POU3F3: variants seen among roughly 807,000 people sequenced by gnomAD.
The protein encoded by POU3F3 is POU class 3 homeobox 3.
A neutral mutation model predicts 8.6 loss-of-function variants in POU3F3; 1 was observed. The observed-to-expected ratio is 0.12, with a 90% confidence interval of 0.04 to 0.55. The LOEUF is 0.55. Ranked by LOEUF, POU3F3 falls within the 20% of genes least tolerant of loss-of-function variation. POU3F3 has a pLI of 0.91. For missense variants in POU3F3, 577 were observed against 690.7 expected (o/e 0.84, Z 1.84); for synonymous variants, 418 against 327.4 (o/e 1.28, Z -2.99).
chr2:104,907,823 T>A, the POU3F3 span, among the ~76,000 whole-genome samples: 1 of 152,194 alleles, frequency 6.6e-6, no homozygotes, highest in Non-Finnish European at 1.5e-5. Flanking sequence ...ACATTGGTGA[T>A]AACGGGGCCC....
chr2:104,860,590 T>C (rs961230611), downstream of POU3F3, among the ~76,000 whole-genome samples: 18 of 152,034 alleles, frequency 1.2e-4, no homozygotes, highest in Non-Finnish European at 1.9e-4. Flanking sequence ...CCATCAGCCT[T>C]GCTAATCCCA....
At chr2:104,900,910 T>C in the POU3F3 span, among the ~76,000 whole-genome samples, 1 of 152,246 alleles carries the variant, frequency 6.6e-6, no homozygotes, top group Non-Finnish European at 1.5e-5. Context: ...TACATGATTA[T>C]TAAAATGCTG....
the POU3F3 span, among the ~76,000 whole-genome samples, chr2:104,873,735 C>A: frequency 6.6e-6 from 1 of 152,192 alleles, no homozygotes; most frequent in African/African-American, 2.4e-5. Flanking sequence ...GGTCTTGACC[C>A]CCTGCTTCCC....
chr2:104,872,138 A>G, the POU3F3 span: 8 of 426,568 alleles, frequency 1.9e-5, no homozygotes, highest in African/African-American at 1.4e-4. The surrounding 1 kb of genome is among the most constrained non-coding windows in gnomAD (Gnocchi z 4.6). Context: ...CCCCCTTTCA[A>G]AACCCCCTGG....
chr2:104,912,483 G>T, the POU3F3 span, among the ~76,000 whole-genome samples: 2 of 152,156 alleles, frequency 1.3e-5, no homozygotes, highest in South Asian at 4.1e-4. Flanking sequence ...ACTAACAGAT[G>T]GGTAAGGATA....
chr2:104,926,349 A>G, the POU3F3 span, among the ~76,000 whole-genome samples: 107 of 152,352 alleles, frequency 7.0e-4, 3 homozygotes, highest in African/African-American at 2.5e-3. Context: ...TAAACATATG[A>G]AAAAAAGCTC....
At chr2:104,866,698 G>A in the POU3F3 span, 1 of 152,324 alleles carries the variant, frequency 6.6e-6, no homozygotes, top group Non-Finnish European at 1.5e-5. Flanking sequence ...GAGGATTGAA[G>A]ACCAGTTAAA....
the POU3F3 span, among the ~76,000 whole-genome samples, chr2:104,909,014 A>T: frequency 8.5e-5 from 13 of 152,236 alleles, no homozygotes; most frequent in Admixed American, 5.2e-4. Context: ...GGGTGATGAA[A>T]TATCTCAAAA....
chr2:104,877,911 C>T, the POU3F3 span, among the ~76,000 whole-genome samples: 2 of 152,192 alleles, frequency 1.3e-5, no homozygotes, highest in African/African-American at 4.8e-5. Context: ...CCTCCTCGGC[C>T]TCCCAAAGTG....
chr2:104,908,099 T>C, the POU3F3 span, among the ~76,000 whole-genome samples: 2 of 152,222 alleles, frequency 1.3e-5, no homozygotes, highest in African/African-American at 4.8e-5. Context: ...ACATGGCGAA[T>C]TGCATGAATA....
the POU3F3 span, among the ~76,000 whole-genome samples, chr2:104,906,410 C>A: frequency 1.3e-5 from 2 of 152,154 alleles, no homozygotes; most frequent in African/African-American, 4.8e-5. Context: ...CAATGTCTCC[C>A]AGTTTTTATT....
chr2:104,868,701 C>G, the POU3F3 span, among the ~76,000 whole-genome samples: 1 of 152,072 alleles, frequency 6.6e-6, no homozygotes, highest in South Asian at 2.1e-4. Context: ...TTCCAGCTGG[C>G]GGGTCTGGTT....
chr2:104,925,044 C>A, the POU3F3 span, among the ~76,000 whole-genome samples: 1 of 152,204 alleles, frequency 6.6e-6, no homozygotes, highest in Non-Finnish European at 1.5e-5. Flanking sequence ...AATTTAGGTT[C>A]TATCATGAAG....
At chr2:104,885,453 G>A in the POU3F3 span, among the ~76,000 whole-genome samples, 5 of 152,328 alleles carry the variant, frequency 3.3e-5, no homozygotes, top group African/African-American at 1.2e-4. Flanking sequence ...CTCATAAAAT[G>A]ATGCAGTAAA....
chr2:104,925,555 G>A, the POU3F3 span, among the ~76,000 whole-genome samples: 1 of 152,268 alleles, frequency 6.6e-6, no homozygotes, highest in African/African-American at 2.4e-5. Flanking sequence ...GCAGAACTGG[G>A]TGCTACAACT....
chr2:104,897,637 C>G, the POU3F3 span, among the ~76,000 whole-genome samples: 59 of 152,334 alleles, frequency 3.9e-4, no homozygotes, highest in African/African-American at 1.3e-3. Flanking sequence ...TACCCCTGCT[C>G]TCAGGCAAAG....
chr2:104,873,512 G>T, the POU3F3 span, among the ~76,000 whole-genome samples: 1 of 152,148 alleles, frequency 6.6e-6, no homozygotes, highest in African/African-American at 2.4e-5. Flanking sequence ...GTGCCCTGTG[G>T]CCAGCCCCGC....
the POU3F3 span, among the ~76,000 whole-genome samples, chr2:104,902,668 C>T: frequency 1.3e-5 from 2 of 152,072 alleles, no homozygotes; most frequent in Non-Finnish European, 2.9e-5. Context: ...TCATTCATTC[C>T]CTTATAGCAA....
downstream of POU3F3, among the ~76,000 whole-genome samples, chr2:104,860,972 G>C (rs1676649457): frequency 2.0e-5 from 3 of 151,326 alleles, no homozygotes; most frequent in South Asian, 6.2e-4. Context: ...ACTATTGATA[G>C]TTTTATCGAT....
Sources: gnomAD v4.1 joint callset for allele counts (sites outside exome capture counted in the v4.1 genomes callset) on GRCh38, gnomAD v4.1.1 for gene constraint, Gnocchi (gnomAD v3.1) non-coding constraint, MANE v1.5 for transcripts, NCBI Gene and HGNC (gene_info 2026-07-23, HGNC 2026-07-21) for gene names.